Variants in MAP4K4 observed in about 807,000 individuals in gnomAD.
The protein encoded by MAP4K4 is mitogen-activated protein kinase kinase kinase kinase 4, also known as HPK/GCK-like kinase HGK.
MAP4K4 carries 38 observed loss-of-function variants against 189.6 expected under a neutral mutation model. The observed-to-expected ratio is 0.20, with a 90% CI of 0.15 to 0.26. The LOEUF is 0.26. Among genes scored for constraint, MAP4K4 ranks in the 10% least tolerant of loss-of-function variants. The probability of loss-of-function intolerance (pLI) is 1.00; values close to 1 mark genes in which losing one functional copy is unlikely to be tolerated. For synonymous variants in MAP4K4, 610 were observed against 624.3 expected, an observed-to-expected ratio of 0.98 and a Z score of 0.34; for missense variants, 1,054 against 1,726.9, an observed-to-expected ratio of 0.61 and a Z score of 6.91.
chr2:101,707,680 G>GTTT (rs1160858811), intron 2 of MAP4K4, among the ~76,000 whole-genome samples: 2 of 141,218 alleles, frequency 1.4e-5, no homozygotes, highest in African/African-American at 5.2e-5. Context: ...GTCCAGCTAA[G>GTTT]TTTTTTTTTT....
exon 14 of MAP4K4, chr2:101,859,041 G>T: frequency 1.9e-6 from 3 of 1,612,256 alleles, no homozygotes; most frequent in Non-Finnish European, 1.7e-6. Flanking sequence ...GCACTTGGAA[G>T]TCCTTCAGCA....
intron 2 of MAP4K4, among the ~76,000 whole-genome samples, chr2:101,766,977 A>G (rs1327262711): frequency 6.6e-6 from 1 of 152,150 alleles, no homozygotes; most frequent in Non-Finnish European, 1.5e-5. Flanking sequence ...GGGTTTAAAT[A>G]CCCTCTAGAG....
chr2:101,838,197 A>G (rs952174648), intron 9 of MAP4K4, among the ~76,000 whole-genome samples: 4 of 152,200 alleles, frequency 2.6e-5, no homozygotes, highest in Non-Finnish European at 5.9e-5. Flanking sequence ...TCCTTTTGGA[A>G]TCTTTTAACT....
At chr2:101,774,853 G>A (rs56241469) in intron 2 of MAP4K4, among the ~76,000 whole-genome samples, 37,061 of 151,850 alleles carry the variant, frequency 0.24, 5,447 homozygotes, top group Non-Finnish European at 0.31. Context: ...AGAGACTTGC[G>A]CTCCTAGGTA....
At chr2:101,722,984 C>G (rs1036261460) in intron 2 of MAP4K4, among the ~76,000 whole-genome samples, 5 of 152,166 alleles carry the variant, frequency 3.3e-5, no homozygotes, top group African/African-American at 1.2e-4. Flanking sequence ...TTCCACATGG[C>G]TGGGGAGGCC....
At chr2:101,873,586 A>G (rs2098117231) in intron 24 of MAP4K4, 61 bp from the exon 25 acceptor site, 4 of 885,470 alleles carry the variant, frequency 4.5e-6, no homozygotes, top group Non-Finnish European at 7.4e-6. Context: ...TGAAATGTGT[A>G]TTTTTAATGT....
At chr2:101,794,498 T>C (rs1452895992) in intron 3 of MAP4K4, among the ~76,000 whole-genome samples, 1 of 152,204 alleles carries the variant, frequency 6.6e-6, no homozygotes, top group African/African-American at 2.4e-5. Context: ...GAATGAACAC[T>C]CTCGGCTGTT....
chr2:101,707,212 CTTTTT>C (rs545502305), intron 2 of MAP4K4, among the ~76,000 whole-genome samples: 5 of 133,940 alleles, frequency 3.7e-5, no homozygotes, highest in African/African-American at 1.4e-4. Flanking sequence ...TTTATTTTAT[CTTTTT>C]TTTTTTTTTT....
intron 30 of MAP4K4, 119 bp downstream of exon 30, chr2:101,887,356 T>C: frequency 2.0e-6 from 2 of 1,020,304 alleles, no homozygotes; most frequent in Non-Finnish European, 2.8e-6. Context: ...GGTGTGGGGG[T>C]GAGTATTTAA....
At chr2:101,856,094 A>G in exon 13 of MAP4K4, 1 of 1,551,610 alleles carries the variant, frequency 6.4e-7, no homozygotes, top group Non-Finnish European at 8.7e-7. Context: ...AGAAGAGGAG[A>G]GGAGACGGGC....
At chr2:101,862,405 A>C (rs893300452) in intron 16 of MAP4K4, among the ~76,000 whole-genome samples, 3 of 152,082 alleles carry the variant, frequency 2.0e-5, no homozygotes, top group African/African-American at 7.2e-5. Flanking sequence ...AGAGGAAAGC[A>C]GGAGAGGGTA....
chr2:101,811,037 G>A (rs978603328), intron 3 of MAP4K4, among the ~76,000 whole-genome samples: 4 of 152,120 alleles, frequency 2.6e-5, no homozygotes, highest in Non-Finnish European at 5.9e-5. Flanking sequence ...TCTTTTAACA[G>A]ACTTATTTTA....
chr2:101,862,960 C>A (rs1041936652), intron 16 of MAP4K4, among the ~76,000 whole-genome samples: 1 of 152,038 alleles, frequency 6.6e-6, no homozygotes, highest in African/African-American at 2.4e-5. Flanking sequence ...TTTTCAGTTG[C>A]CATATTGAAC....
intron 10 of MAP4K4, among the ~76,000 whole-genome samples, chr2:101,841,775 A>G (rs2149554119): frequency 6.6e-6 from 1 of 152,074 alleles, no homozygotes; most frequent in East Asian, 1.9e-4. Context: ...CCTGATTTTC[A>G]TCTTGTATAT....
At chr2:101,757,716 CTAA>C in intron 2 of MAP4K4, among the ~76,000 whole-genome samples, 1 of 152,180 alleles carries the variant, frequency 6.6e-6, no homozygotes, top group East Asian at 1.9e-4. Flanking sequence ...ACAACAAAAG[CTAA>C]TAATAAAATA....
intron 2 of MAP4K4, among the ~76,000 whole-genome samples, chr2:101,752,872 G>A (rs2069904884): frequency 6.6e-6 from 1 of 152,198 alleles, no homozygotes; most frequent in South Asian, 2.1e-4. Flanking sequence ...TCAGGCTCAG[G>A]AGACCTGTTT....
At chr2:101,761,314 TA>T (rs1405283723) in intron 2 of MAP4K4, among the ~76,000 whole-genome samples, 4 of 152,174 alleles carry the variant, frequency 2.6e-5, no homozygotes, top group Non-Finnish European at 4.4e-5. Context: ...TATTTTTTCT[TA>T]AAAAAATTTT....
chr2:101,810,671 C>T (rs2149137404), intron 3 of MAP4K4, among the ~76,000 whole-genome samples: 1 of 152,286 alleles, frequency 6.6e-6, no homozygotes, highest in South Asian at 2.1e-4. Flanking sequence ...ACTATTTACT[C>T]TGGGCTCTCA....
intron 2 of MAP4K4, among the ~76,000 whole-genome samples, chr2:101,764,847 T>G (rs2077927292): frequency 6.6e-6 from 1 of 152,202 alleles, no homozygotes; most frequent in Non-Finnish European, 1.5e-5. Context: ...ACATATCCCT[T>G]GAAATCCTAG....
Sources: allele counts gnomAD v4.1 joint callset (sites outside exome capture counted in the v4.1 genomes callset), GRCh38; gene constraint gnomAD v4.1.1; transcripts MANE v1.5; gene names NCBI Gene and HGNC (gene_info 2026-07-23, HGNC 2026-07-21).